Variants in FAM135B observed in about 807,000 individuals in gnomAD.
FAM135B encodes protein FAM135B.
FAM135B carries 43 observed loss-of-function variants against 127.7 expected under a neutral mutation model. That is an observed-to-expected ratio of 0.34 (90% confidence interval 0.26 to 0.43). FAM135B has a LOEUF of 0.43. FAM135B is among the 20% of genes least tolerant of loss of function. The probability of loss-of-function intolerance (pLI) is 1.00; values close to 1 mark genes in which losing one functional copy is unlikely to be tolerated. For missense variants in FAM135B, 1,558 were observed against 1,725.6 expected, an observed-to-expected ratio of 0.90 and a Z score of 1.72; for synonymous variants, 670 against 665.1, an observed-to-expected ratio of 1.01 and a Z score of -0.11.
chr8:138,358,881 G>C (rs1237257436), intron 2 of FAM135B, among the ~76,000 whole-genome samples: 3 of 152,112 alleles, frequency 2.0e-5, no homozygotes, highest in Non-Finnish European at 2.9e-5. Context: ...GAGCTCACCA[G>C]AGGCATTTTA....
rs546491501 is a variant in FAM135B, at chr8:138,197,257, T to C, written c.823+259A>G. Among the ~76,000 whole-genome samples, 48 of 152,230 alleles carry C rather than the reference T, an allele frequency of 3.2e-4. No individual in the cohort carries two copies. In the East Asian group the frequency reaches 7.6e-3, roughly 24 times the overall value. On this transcript the variant is annotated intron_variant, in intron 8 of 19. Transcript: ENST00000395297. ...AAATTATGCAGTGGAGTGGCAGGTGTGTAATAGGTACTCAATAGATGTCTG... is the reference window on the plus strand; with the variant it reads ...AAATTATGCAGTGGAGTGGCAGGTGCGTAATAGGTACTCAATAGATGTCTG...
chr8:138,261,175 C>G (rs914721826), intron 4 of FAM135B, among the ~76,000 whole-genome samples: 2 of 152,038 alleles, frequency 1.3e-5, no homozygotes, highest in African/African-American at 4.8e-5. Context: ...AAAAAACAAG[C>G]CCACCTCTGT....
At chr8:138,202,570 A>G (rs1817227335) in intron 7 of FAM135B, among the ~76,000 whole-genome samples, 1 of 152,042 alleles carries the variant, frequency 6.6e-6, no homozygotes, top group Non-Finnish European at 1.5e-5. Context: ...TTGCTTTCCC[A>G]CTTACTACCA....
chr8:138,326,522 A>G (rs1052659867), intron 2 of FAM135B, among the ~76,000 whole-genome samples: 18 of 152,138 alleles, frequency 1.2e-4, no homozygotes, highest in Admixed American at 4.6e-4. Context: ...TTGTCGTGCA[A>G]TATCACACTG....
At chr8:138,353,426 G>A (rs1397745876) in intron 2 of FAM135B, among the ~76,000 whole-genome samples, 1 of 152,090 alleles carries the variant, frequency 6.6e-6, no homozygotes, top group Non-Finnish European at 1.5e-5. Flanking sequence ...GCCTTGGGAT[G>A]CTCCCACCTT....
At chr8:138,305,797 C>T (rs1826200469) in intron 3 of FAM135B, among the ~76,000 whole-genome samples, 1 of 151,994 alleles carries the variant, frequency 6.6e-6, no homozygotes, top group South Asian at 2.1e-4. Flanking sequence ...AATAAGTGAG[C>T]ATGTTAGAAA....
At chr8:138,205,198 T>C (rs536658074) in intron 7 of FAM135B, among the ~76,000 whole-genome samples, 12 of 152,234 alleles carry the variant, frequency 7.9e-5, no homozygotes, top group Non-Finnish European at 1.8e-4. Context: ...TTGCCAACTC[T>C]ATGCAATGAG....
intron 1 of FAM135B, chr8:138,441,450 G>T (rs146581683): frequency 1.3e-5 from 2 of 152,210 alleles, no homozygotes; most frequent in Non-Finnish European, 2.9e-5. Flanking sequence ...TTGAATGGGG[G>T]TGTTTTATTG....
chr8:138,364,929 C>T (rs116875333), intron 2 of FAM135B, among the ~76,000 whole-genome samples: 4,878 of 152,142 alleles, frequency 0.032, 155 homozygotes, highest in East Asian at 0.17. Flanking sequence ...CTCACTACAA[C>T]CTCCACCTCC....
intron 6 of FAM135B, among the ~76,000 whole-genome samples, chr8:138,249,790 G>A (rs1046006069): frequency 6.6e-6 from 1 of 152,166 alleles, no homozygotes; most frequent in Non-Finnish European, 1.5e-5. Context: ...GGGAAATCAG[G>A]AAAGATCCCT....
intron 1 of FAM135B, among the ~76,000 whole-genome samples, chr8:138,378,930 A>C (rs751063949): frequency 6.6e-6 from 1 of 152,174 alleles, no homozygotes; most frequent in Non-Finnish European, 1.5e-5. Context: ...TGAAGTACCA[A>C]AGATGAGGAA....
At chr8:138,177,447 T>G in intron 10 of FAM135B, 27 bp from the exon 11 acceptor site, 1 of 1,591,590 alleles carries the variant, frequency 6.3e-7, no homozygotes, top group Non-Finnish European at 8.6e-7. Flanking sequence ...TGTAAACAGT[T>G]CAATTCTTTA....
intron 1 of FAM135B, among the ~76,000 whole-genome samples, chr8:138,406,496 T>C (rs1587370289): frequency 6.6e-6 from 1 of 151,524 alleles, no homozygotes; most frequent in Non-Finnish European, 1.5e-5. Context: ...TGAACATTGA[T>C]GCAAAAATCC....
intron 7 of FAM135B, among the ~76,000 whole-genome samples, chr8:138,209,017 G>C (rs1418408643): frequency 6.6e-6 from 1 of 152,126 alleles, no homozygotes. Flanking sequence ...TTTGACTTTA[G>C]AGAACTATAT....
At chr8:138,178,441 G>A in intron 10 of FAM135B, 94 bp downstream of exon 10, 1 of 1,450,964 alleles carries the variant, frequency 6.9e-7, no homozygotes, top group East Asian at 2.3e-5. Flanking sequence ...AAGATCTAGA[G>A]GCCAATCCTA....
At chr8:138,467,944 A>T (rs1191554642) in intron 1 of FAM135B, among the ~76,000 whole-genome samples, 1 of 152,224 alleles carries the variant, frequency 6.6e-6, no homozygotes, top group African/African-American at 2.4e-5. Context: ...AAGCCTGGCG[A>T]AGTATTTAGA....
At chr8:138,444,694 A>G (rs1175990835) in intron 1 of FAM135B, among the ~76,000 whole-genome samples, 1 of 152,192 alleles carries the variant, frequency 6.6e-6, no homozygotes, top group Non-Finnish European at 1.5e-5. Context: ...CCACAAGAGA[A>G]AGCAGGAAAG....
At chr8:138,153,857 G>C (rs185295357) in intron 12 of FAM135B, among the ~76,000 whole-genome samples, 1 of 152,188 alleles carries the variant, frequency 6.6e-6, no homozygotes, top group East Asian at 1.9e-4. Flanking sequence ...TCCACCTCTC[G>C]GGGCAGGGCA....
chr8:138,462,887 C>T (rs1457555540), intron 1 of FAM135B, among the ~76,000 whole-genome samples: 6 of 152,198 alleles, frequency 3.9e-5, no homozygotes, highest in Non-Finnish European at 7.3e-5. Flanking sequence ...TCAACCACGA[C>T]TTCTCTGATG....
Sources: gnomAD v4.1 joint callset for allele counts (sites outside exome capture counted in the v4.1 genomes callset) on GRCh38, gnomAD v4.1.1 for gene constraint, MANE v1.5 for transcripts, NCBI Gene and HGNC (gene_info 2026-07-23, HGNC 2026-07-21) for gene names.